Variants in POLA1 observed in about 807,000 individuals in gnomAD.
POLA1 encodes DNA polymerase alpha 1, catalytic subunit, also known as DNA polymerase alpha catalytic subunit.
Under a neutral mutation model 124.0 loss-of-function variants are expected in POLA1, and 15 were observed. The observed-to-expected ratio is 0.12, with a 90% confidence interval of 0.08 to 0.19. POLA1 has a LOEUF of 0.19. POLA1 is among the 10% of genes least tolerant of loss of function. POLA1 has a pLI of 1.00. For missense variants in POLA1, 886 were observed against 1,103.4 expected, an observed-to-expected ratio of 0.80 and a Z score of 2.79; for synonymous variants, 408 against 389.4, an observed-to-expected ratio of 1.05 and a Z score of -0.56.
chrX:24,911,302 A>G (rs113542297), intron 35 of POLA1, among the ~76,000 whole-genome samples: 1,324 of 111,674 alleles, frequency 0.012, 19 homozygotes, highest in African/African-American at 0.041. Context: ...TCAGTAAAAT[A>G]CTCAAATAAC....
At chrX:24,875,312 A>G (rs989782724) in intron 34 of POLA1, among the ~76,000 whole-genome samples, 5 of 111,753 alleles carry the variant, frequency 4.5e-5, no homozygotes, top group Admixed American at 9.5e-5. Flanking sequence ...TTCAAGATCT[A>G]TCATCAATTC....
intron 34 of POLA1, among the ~76,000 whole-genome samples, chrX:24,868,329 G>T (rs1002784417): frequency 8.9e-6 from 1 of 112,048 alleles, no homozygotes; most frequent in African/African-American, 3.2e-5. Flanking sequence ...AGCATAGATG[G>T]TGCACTGGAT....
intron 36 of POLA1, among the ~76,000 whole-genome samples, chrX:24,995,440 C>T (rs746940550): frequency 4.5e-5 from 5 of 111,998 alleles, no homozygotes; most frequent in African/African-American, 6.5e-5. Flanking sequence ...TTTCCTGCCA[C>T]GTCCAGACTT....
intron 31 of POLA1, among the ~76,000 whole-genome samples, chrX:24,824,315 C>G (rs1035663875): frequency 1.8e-5 from 2 of 110,283 alleles, no homozygotes; most frequent in Non-Finnish European, 3.8e-5. Flanking sequence ...AATTTTGAGA[C>G]AGGGTCTCGC....
At chrX:24,979,017 C>T (rs1441397121) in intron 36 of POLA1, among the ~76,000 whole-genome samples, 3 of 112,056 alleles carry the variant, frequency 2.7e-5, no homozygotes, top group Non-Finnish European at 5.6e-5. Flanking sequence ...TGTAAATTAG[C>T]CGCTTACTGT....
intron 36 of POLA1, among the ~76,000 whole-genome samples, chrX:24,977,746 G>C (rs760243103): frequency 2.7e-5 from 3 of 112,002 alleles, no homozygotes; most frequent in Non-Finnish European, 3.8e-5. Context: ...ATCTCTTCTT[G>C]TGTGCTGGTC....
chrX:24,745,930 T>C (rs1931975142), intron 24 of POLA1, among the ~76,000 whole-genome samples: 1 of 112,194 alleles, frequency 8.9e-6, no homozygotes, highest in Non-Finnish European at 1.9e-5. Context: ...TCAAGGTTCA[T>C]CCATTTTGTA....
intron 34 of POLA1, among the ~76,000 whole-genome samples, chrX:24,864,004 T>C (rs754393477): frequency 9.4e-6 from 1 of 106,184 alleles, no homozygotes; most frequent in Non-Finnish European, 2.0e-5. Flanking sequence ...TTATTTGAGA[T>C]GGAGTCTCGC....
chrX:24,891,025 TATGATTG>T (rs2047136751), intron 35 of POLA1, among the ~76,000 whole-genome samples: 4 of 112,513 alleles, frequency 3.6e-5, no homozygotes, highest in Non-Finnish European at 7.5e-5. Context: ...CAACCAGTTT[TATGATTG>T]CATTCTTGGT....
At chrX:24,881,107 T>C (rs1195132475) in intron 34 of POLA1, among the ~76,000 whole-genome samples, 1 of 111,895 alleles carries the variant, frequency 8.9e-6, no homozygotes, top group Non-Finnish European at 1.9e-5. Context: ...ATATTTTAGT[T>C]TGATCAGGAA....
chrX:24,866,043 TTTTG>T, intron 34 of POLA1, among the ~76,000 whole-genome samples: 1 of 111,910 alleles, frequency 8.9e-6, no homozygotes, highest in East Asian at 2.8e-4. Flanking sequence ...GTTCAGCCTA[TTTTG>T]TAAACAGTTA....
chrX:24,865,745 A>G (rs1486109212), intron 34 of POLA1, among the ~76,000 whole-genome samples: 1 of 111,936 alleles, frequency 8.9e-6, no homozygotes, highest in Admixed American at 9.5e-5. Context: ...AGTTGTAATT[A>G]TGTCTATAGA....
At chrX:24,843,304 A>T (rs187199325) in intron 33 of POLA1, among the ~76,000 whole-genome samples, 1 of 111,921 alleles carries the variant, frequency 8.9e-6, no homozygotes, top group African/African-American at 3.2e-5. Context: ...AGTGAATGTA[A>T]AATAGTGATT....
intron 23 of POLA1, 140 bp from the exon 24 acceptor site, chrX:24,745,278 C>T (rs1469563090): frequency 1.5e-5 from 5 of 322,710 alleles, no homozygotes; most frequent in Non-Finnish European, 1.6e-5. Flanking sequence ...TCTTTTTTTC[C>T]CTTTTTGTCT....
intron 26 of POLA1, among the ~76,000 whole-genome samples, chrX:24,805,302 C>T (rs1359863172): frequency 9.0e-6 from 1 of 111,306 alleles, no homozygotes; most frequent in Non-Finnish European, 1.9e-5. Flanking sequence ...ACTGAAATAT[C>T]GGCGTGAAGG....
intron 36 of POLA1, among the ~76,000 whole-genome samples, chrX:24,968,584 T>C (rs993095612): frequency 9.2e-6 from 1 of 108,445 alleles, no homozygotes; most frequent in Non-Finnish European, 1.9e-5. Flanking sequence ...GTGCCTGTAG[T>C]CCCAGCTACT....
At chrX:24,870,685 C>T (rs1161099144) in intron 34 of POLA1, among the ~76,000 whole-genome samples, 2 of 111,681 alleles carry the variant, frequency 1.8e-5, no homozygotes, top group Non-Finnish European at 3.8e-5. Context: ...AACAGCATCT[C>T]CTAAGCCCTA....
At chrX:24,745,371 A>G (rs781719870) in intron 23 of POLA1, 47 bp from the exon 24 acceptor site, 3 of 1,005,341 alleles carry the variant, frequency 3.0e-6, no homozygotes, top group African/African-American at 3.9e-5. Flanking sequence ...TGTTTTGACA[A>G]TTCTGCTTTT....
At chrX:24,857,784 G>C (rs767714649) in intron 34 of POLA1, among the ~76,000 whole-genome samples, 71 of 111,509 alleles carry the variant, frequency 6.4e-4, no homozygotes, top group African/African-American at 2.0e-3. Context: ...ATACTGCCAA[G>C]TTTTTAAAAT....
Sources: allele counts gnomAD v4.1 joint callset (sites outside exome capture counted in the v4.1 genomes callset), GRCh38; gene constraint gnomAD v4.1.1; transcripts MANE v1.5; gene names NCBI Gene and HGNC (gene_info 2026-07-23, HGNC 2026-07-21).